Variants in RAB4A observed in about 807,000 individuals in gnomAD.
RAB4A encodes the protein RAB4A, member RAS oncogene family, also known as ras-related protein Rab-4A.
In RAB4A, 20 loss-of-function variants were observed where a neutral mutation model predicts 34.5. The ratio of observed to expected loss-of-function variants is 0.58; its 90% confidence interval spans 0.41 to 0.84. The LOEUF (loss-of-function observed/expected upper bound fraction) is 0.84. Among genes scored for constraint, RAB4A ranks in the 40% least tolerant of loss-of-function variants. RAB4A has a pLI of 0.00. For synonymous variants in RAB4A, 102 were observed against 100.0 expected, an observed-to-expected ratio of 1.02 and a Z score of -0.12; for missense variants, 228 against 274.5, an observed-to-expected ratio of 0.83 and a Z score of 1.20.
chr1:229,296,856 A>C lies in RAB4A; in HGVS notation c.291-626A>C, dbSNP rs540475873. ...TGTGAAGTCATCAATCAGGCTAGCA[A>C]AGTGCCATGAGAAGAACTCAATCCT... On this transcript the variant is annotated intron_variant, in intron 4 of 7. Transcript: ENST00000366690. 3.9e-5 allele frequency among the ~76,000 whole-genome samples: 6 copies of C among 152,368 alleles called. No homozygotes were observed. In the South Asian group the frequency reaches 1.2e-3, roughly 32 times the overall value.
intron 1 of RAB4A, among the ~76,000 whole-genome samples, chr1:229,283,248 C>T (rs1460149673): frequency 6.6e-6 from 1 of 152,194 alleles, no homozygotes; most frequent in Non-Finnish European, 1.5e-5. Flanking sequence ...TCCACTGACA[C>T]TGTGCCAGGG....
chr1:229,287,783 T>G (rs1392261893), intron 2 of RAB4A, among the ~76,000 whole-genome samples: 3 of 152,186 alleles, frequency 2.0e-5, no homozygotes, highest in Admixed American at 6.5e-5. Context: ...CTGTAACCAT[T>G]TATCTACCCT....
chr1:229,297,382 C>T (rs1158160730), intron 4 of RAB4A, 100 bp from the exon 5 acceptor site: 8 of 1,233,572 alleles, frequency 6.5e-6, no homozygotes, highest in Admixed American at 2.5e-5. Context: ...GTGCCATTAC[C>T]CTGAAATGTT....
intron 1 of RAB4A, among the ~76,000 whole-genome samples, chr1:229,272,486 A>G (rs191578482): frequency 6.6e-6 from 1 of 152,302 alleles, no homozygotes; most frequent in East Asian, 1.9e-4. Flanking sequence ...GGAATGCAGT[A>G]TTAATCCAAT....
rs1042613147 is a variant in RAB4A at position 229,271,360 on chromosome 1, C to T, written c.21C>T (p.Ser7=). The T allele has an allele frequency of 3.9e-6, 5 of 1,280,240 alleles. No individual in the cohort carries two copies. In the South Asian group the frequency reaches 1.0e-4, roughly 26 times the overall value. 79.3% of individuals were successfully genotyped at this position (1,280,240 alleles called of 1,614,324 possible). A position where few individuals can be genotyped will look rare whatever the true frequency, so the allele number is the denominator to read the frequency against. Residue 7 remains serine (S), a synonymous_variant, in exon 1 of 8, where the codon TCC becomes TCT. Coordinates refer to ENST00000366690, the MANE Select transcript of RAB4A (RefSeq NM_004578.4). ...CCAAGATGTCGCAGACGGCCATGTC[C>T]GAAACCTACGGTACGAGGCCCGGGC... MSQTAM[S]ETYDFLFKFL...
intron 3 of RAB4A, among the ~76,000 whole-genome samples, chr1:229,293,993 C>T (rs771324446): frequency 1.3e-5 from 2 of 152,054 alleles, no homozygotes; most frequent in African/African-American, 2.4e-5. Flanking sequence ...GGGACAGCAG[C>T]GTGGGCAGAC....
intron 4 of RAB4A, among the ~76,000 whole-genome samples, chr1:229,296,934 A>T (rs1657266266): frequency 6.6e-6 from 1 of 152,240 alleles, no homozygotes; most frequent in South Asian, 2.1e-4. Context: ...CTGGAGTCAG[A>T]CAGAGCTGGT....
At chr1:229,302,296 TATATA>T (rs1558242411) in intron 6 of RAB4A, among the ~76,000 whole-genome samples, 7 of 29,544 alleles carry the variant, frequency 2.4e-4, no homozygotes, top group African/African-American at 9.4e-4. Context: ...TATATATATA[TATATA>T]TATATATATT....
At chr1:229,272,141 T>C (rs1254735272) in intron 1 of RAB4A, among the ~76,000 whole-genome samples, 10 of 152,116 alleles carry the variant, frequency 6.6e-5, no homozygotes, top group Admixed American at 5.9e-4. Flanking sequence ...TCCCCTTTTT[T>C]GGCCTTGCGT....
intron 2 of RAB4A, among the ~76,000 whole-genome samples, chr1:229,287,665 C>T (rs181922360): frequency 1.3e-4 from 20 of 152,214 alleles, no homozygotes; most frequent in African/African-American, 3.6e-4. Context: ...CCTTTAGTTA[C>T]TATTTTTTTT....
chr1:229,275,794 T>C (rs927561584), intron 1 of RAB4A, among the ~76,000 whole-genome samples: 2 of 151,778 alleles, frequency 1.3e-5, no homozygotes, highest in African/African-American at 4.8e-5. Flanking sequence ...CTAATTTTTT[T>C]TTTGTATTTT....
chr1:229,291,077 T>C (rs1331412462), intron 3 of RAB4A, among the ~76,000 whole-genome samples: 2 of 152,042 alleles, frequency 1.3e-5, no homozygotes, highest in African/African-American at 4.8e-5. Flanking sequence ...GTGTGAAAAA[T>C]GGAATTGCTT....
rs527978902 is a variant in RAB4A, at chr1:229,299,785, G to A, written c.541+713G>A. Among the ~76,000 whole-genome samples the A allele has an allele frequency of 3.2e-4, 48 of 152,250 alleles. 1 individual carries two copies. The highest frequency in any genetic ancestry group is 3.0e-3 in the Admixed American group (46 of 15,298). On this transcript the variant is annotated intron_variant, in intron 6 of 7. Transcript: ENST00000366690. The stretch of plus-strand genomic sequence containing the variant: ...CCCCAAGAAACTGTCTTTCATGGGA[G>A]ACAGTCAGAGGATAATTATAATATC...
rs1471039600 is a variant in RAB4A at position 229,295,877 on chromosome 1, C to T, written c.257C>T (p.Ala86Val). 2.5e-6 allele frequency: 4 copies of T among 1,613,934 alleles called. No homozygotes were observed. The highest frequency in any genetic ancestry group is 3.4e-6 in the Non-Finnish European group (4 of 1,180,004). ...GTGACGAGAAGTTATTACCGAGGCGCGGCCGGGGCTCTCCTCGTCTATGAT... is the reference window on the plus strand; with the variant it reads ...GTGACGAGAAGTTATTACCGAGGCGTGGCCGGGGCTCTCCTCGTCTATGAT... ...RSVTRSYYRG[A>V]AGALLVYDIT... Residue 86 changes from alanine to valine, a missense_variant, in exon 4 of 8, where the codon GCG (alanine) becomes GTG (valine). Coordinates refer to ENST00000366690, the MANE Select transcript of RAB4A (RefSeq NM_004578.4).
At position 229,297,473 on chromosome 1, in the gene RAB4A, A is replaced by G; in HGVS notation, c.291-9A>G. 6.3e-7 allele frequency: 1 copy of G among 1,584,684 alleles called. No homozygotes were observed. Among genetic ancestry groups the G allele is most frequent in the Non-Finnish European group, 8.5e-7 (1 of 1,170,672 alleles). ...ACATGTATTATTTTCACAATCTTATATTACGCAGCCGAGAAACCTACAATG... is the reference window on the plus strand; with the variant it reads ...ACATGTATTATTTTCACAATCTTATGTTACGCAGCCGAGAAACCTACAATG... On this transcript the variant is annotated splice_polypyrimidine_tract_variant and intron_variant, in intron 4 of 7. Transcript: ENST00000366690.
intron 1 of RAB4A, among the ~76,000 whole-genome samples, chr1:229,283,862 G>T (rs535575102): frequency 5.0e-4 from 76 of 151,366 alleles, no homozygotes; most frequent in Non-Finnish European, 5.9e-4. Flanking sequence ...AAGTAGCTGG[G>T]ATTACAGGTG....
At chr1:229,302,309 ATTT>A (rs869095524) in intron 6 of RAB4A, among the ~76,000 whole-genome samples, 406 of 35,716 alleles carry the variant, frequency 0.011, 12 homozygotes, top group Admixed American at 0.013. Flanking sequence ...ATATATATAT[ATTT>A]TTTTTTTTTT....
intron 1 of RAB4A, among the ~76,000 whole-genome samples, chr1:229,285,833 G>T (rs1656908321): frequency 6.6e-6 from 1 of 152,094 alleles, no homozygotes; most frequent in Admixed American, 6.5e-5. Flanking sequence ...ATTTCCATTT[G>T]GAAATCCTTT....
intron 1 of RAB4A, among the ~76,000 whole-genome samples, chr1:229,274,339 A>G (rs1489783254): frequency 1.3e-5 from 2 of 151,864 alleles, no homozygotes; most frequent in Admixed American, 6.6e-5. Flanking sequence ...TGTTGAGATC[A>G]CAGGCATGAG....
Sources: allele counts gnomAD v4.1 joint callset (sites outside exome capture counted in the v4.1 genomes callset), GRCh38; gene constraint gnomAD v4.1.1; transcripts MANE v1.5; gene names NCBI Gene and HGNC (gene_info 2026-07-23, HGNC 2026-07-21).